Variants in COL8A1 observed in about 807,000 individuals in gnomAD.
COL8A1 encodes the protein collagen type VIII alpha 1 chain.
A neutral mutation model predicts 42.7 loss-of-function variants in COL8A1; 21 were observed. That is an observed-to-expected ratio of 0.49 (90% CI 0.35 to 0.71). The LOEUF (loss-of-function observed/expected upper bound fraction) is 0.71. Among genes scored for constraint, COL8A1 ranks in the 30% least tolerant of loss-of-function variants. The pLI is 0.01. For synonymous variants in COL8A1, 367 were observed against 369.1 expected (o/e 0.99, Z 0.06); for missense variants, 788 against 962.4 (o/e 0.82, Z 2.40).
intron 1 of COL8A1, among the ~76,000 whole-genome samples, chr3:99,732,663 A>C (rs1047547477): frequency 6.6e-6 from 1 of 151,982 alleles, no homozygotes; most frequent in African/African-American, 2.4e-5. Flanking sequence ...ACACAGCCAA[A>C]CCATATCATT....
At chr3:99,774,380 G>C (rs13079056) in intron 2 of COL8A1, among the ~76,000 whole-genome samples, 11,734 of 151,824 alleles carry the variant, frequency 0.077, 564 homozygotes, top group Middle Eastern at 0.11. Flanking sequence ...ATAAGGCCAG[G>C]TACTCATAGA....
intron 1 of COL8A1, among the ~76,000 whole-genome samples, chr3:99,711,957 T>G (rs182210995): frequency 4.3e-4 from 66 of 152,252 alleles, no homozygotes; most frequent in Non-Finnish European, 7.6e-4. Context: ...AGTAATACTC[T>G]TGGTTTGTGA....
At chr3:99,778,160 T>C (rs1275697040) in intron 2 of COL8A1, among the ~76,000 whole-genome samples, 1 of 152,154 alleles carries the variant, frequency 6.6e-6, no homozygotes, top group Admixed American at 6.5e-5. Context: ...TCAACACCTA[T>C]CCCATTTCAT....
At chr3:99,649,421 G>A (rs1336367651) in intron 1 of COL8A1, among the ~76,000 whole-genome samples, 2 of 152,024 alleles carry the variant, frequency 1.3e-5, no homozygotes, top group African/African-American at 2.4e-5. Flanking sequence ...ATAAGTTGAC[G>A]GTGAATAAAG....
At chr3:99,661,647 T>C (rs1938210360) in intron 1 of COL8A1, among the ~76,000 whole-genome samples, 1 of 152,058 alleles carries the variant, frequency 6.6e-6, no homozygotes, top group Admixed American at 6.5e-5. Flanking sequence ...GAAAGCGAGG[T>C]CTCCAAGAGA....
intron 1 of COL8A1, among the ~76,000 whole-genome samples, chr3:99,709,156 G>A (rs568614797): frequency 6.6e-6 from 1 of 151,464 alleles, no homozygotes; most frequent in African/African-American, 2.4e-5. Flanking sequence ...TCATCCTTTC[G>A]ACCTTTTTCA....
chr3:99,675,576 T>G (rs1938667884), intron 1 of COL8A1: 1 of 152,462 alleles, frequency 6.6e-6, no homozygotes, highest in Non-Finnish European at 1.5e-5. Context: ...CTACACTGCT[T>G]GAAGTTAAAA....
rs1283169480 is a variant in COL8A1 at position 99,796,131 on chromosome 3, A to G, written c.2230A>G (p.Met744Val). 1 of 1,460,742 alleles carries G rather than the reference A, an allele frequency of 6.8e-7. No individual in the cohort carries two copies. The highest frequency in any genetic ancestry group is 2.3e-5 in the East Asian group (1 of 43,272). 90.5% of individuals were successfully genotyped at this position (1,460,742 alleles called of 1,614,324 possible). A position where few individuals can be genotyped will look rare whatever the true frequency, so the allele number is the denominator to read the frequency against. ...SSFSGYLLYP[M>V] ...CTTTTCAGGATATTTATTGTATCCC[A>G]TGTAAAAACAAAAAAACAAAAAACA... is the stretch of plus-strand genomic sequence containing the variant. Residue 744 changes from methionine to valine, a missense_variant, in exon 4 of 4, where the codon ATG becomes GTG. Physicochemically the swap from Met to Val is conservative, Grantham distance 21. This residue lies in a region of COL8A1 where 212 missense variants were observed against 210.9 expected (regional missense o/e 1.00). Transcript: ENST00000652472.
rs191810818 is a variant in COL8A1 at position 99,757,279 on chromosome 3, G to A, written c.-4+12258G>A. Among the ~76,000 whole-genome samples, 53 of 152,246 alleles carry A rather than the reference G, an allele frequency of 3.5e-4. No homozygotes were observed. The Middle Eastern group carries it at 0.01, about 29-fold the overall frequency. Reference sequence around the variant, plus strand: ...GTGAAACCTAATAAAAATGTTGGCAGAAACTTTTCTTCCTCGGGGTGCAAC... The same window carrying A: ...GTGAAACCTAATAAAAATGTTGGCAAAAACTTTTCTTCCTCGGGGTGCAAC... On this transcript the variant is annotated intron_variant, in intron 2 of 3. Transcript: ENST00000652472.
At chr3:99,650,386 C>A (rs1937805065) in intron 1 of COL8A1, among the ~76,000 whole-genome samples, 1 of 152,154 alleles carries the variant, frequency 6.6e-6, no homozygotes, top group Non-Finnish European at 1.5e-5. Context: ...GCTGAGCTCT[C>A]CAATATGATA....
intron 1 of COL8A1, among the ~76,000 whole-genome samples, chr3:99,733,194 T>C (rs1311382645): frequency 2.0e-5 from 3 of 150,724 alleles, no homozygotes; most frequent in Non-Finnish European, 4.4e-5. Flanking sequence ...CATGTGCACA[T>C]TGTGCAGGTT....
intron 1 of COL8A1, among the ~76,000 whole-genome samples, chr3:99,671,931 G>A (rs1015638415): frequency 3.3e-5 from 5 of 151,994 alleles, no homozygotes; most frequent in African/African-American, 4.8e-5. Context: ...AGAAAAGCAA[G>A]TATTCAATTA....
At chr3:99,641,221 G>C (rs879770115) in intron 1 of COL8A1, among the ~76,000 whole-genome samples, 4 of 152,146 alleles carry the variant, frequency 2.6e-5, no homozygotes, top group African/African-American at 7.2e-5. Context: ...AGAAAAGCAA[G>C]ATTAGGAGCT....
intron 1 of COL8A1, among the ~76,000 whole-genome samples, chr3:99,652,790 C>T (rs1341390632): frequency 6.6e-6 from 1 of 152,184 alleles, no homozygotes; most frequent in East Asian, 1.9e-4. Context: ...TTTTAAAGGA[C>T]ACCCATTTTA....
At chr3:99,699,003 A>C (rs1939456961) in intron 1 of COL8A1, among the ~76,000 whole-genome samples, 1 of 152,178 alleles carries the variant, frequency 6.6e-6, no homozygotes, top group Non-Finnish European at 1.5e-5. Context: ...CACCAAAATG[A>C]AGGAGGATGT....
chr3:99,722,002 C>A (rs938630849), intron 1 of COL8A1, among the ~76,000 whole-genome samples: 1 of 151,980 alleles, frequency 6.6e-6, no homozygotes, highest in Admixed American at 6.6e-5. Context: ...AATAGATAAT[C>A]ACAGGAGAAA....
intron 1 of COL8A1, among the ~76,000 whole-genome samples, chr3:99,735,086 T>C (rs2107391001): frequency 6.7e-6 from 1 of 150,264 alleles, no homozygotes. Flanking sequence ...TACAATCATG[T>C]CATCTGCAAA....
At chr3:99,704,168 T>C (rs1363700396) in intron 1 of COL8A1, among the ~76,000 whole-genome samples, 1 of 152,194 alleles carries the variant, frequency 6.6e-6, no homozygotes, top group Non-Finnish European at 1.5e-5. Context: ...TAAATAATTA[T>C]GTACTAAAAA....
chr3:99,677,746 T>A (rs1282311857), intron 1 of COL8A1: 1 of 152,152 alleles, frequency 6.6e-6, no homozygotes, highest in Non-Finnish European at 1.5e-5. Flanking sequence ...TTTTTACTCC[T>A]CCAGACGTTT....
Sources: gnomAD v4.1 joint callset for allele counts (sites outside exome capture counted in the v4.1 genomes callset) on GRCh38, gnomAD v4.1.1 for gene constraint, gnomAD v4.1.1 regional missense constraint, MANE v1.5 for transcripts, NCBI Gene and HGNC (gene_info 2026-07-23, HGNC 2026-07-21) for gene names.